Variants in SCFD2 observed in about 807,000 individuals in gnomAD.
SCFD2 encodes sec1 family domain-containing protein 2.
A neutral mutation model predicts 58.9 loss-of-function variants in SCFD2; 54 were observed. The observed-to-expected ratio is 0.92, with a 90% CI of 0.74 to 1.15. The LOEUF (loss-of-function observed/expected upper bound fraction) is 1.15, where lower values mean the gene tolerates loss of function less well. SCFD2 is among the 50% of genes most tolerant of loss of function. SCFD2 has a pLI of 0.00. For synonymous variants in SCFD2, 321 were observed against 335.9 expected (o/e 0.96, Z 0.49); for missense variants, 805 against 836.6 (o/e 0.96, Z 0.47).
chr4:53,004,959 C>A (rs1360795590), intron 5 of SCFD2, among the ~76,000 whole-genome samples: 1 of 152,170 alleles, frequency 6.6e-6, no homozygotes, highest in Middle Eastern at 3.2e-3. Context: ...ACACCAGTGG[C>A]GTGATCTTGG....
At chr4:53,030,656 A>C (rs1468870145) in intron 5 of SCFD2, among the ~76,000 whole-genome samples, 4 of 152,130 alleles carry the variant, frequency 2.6e-5, no homozygotes, top group African/African-American at 9.7e-5. Context: ...TCCTGACCTC[A>C]GGTGATCTCC....
At chr4:53,044,906 A>ACCCCCC (rs1553872108) in intron 5 of SCFD2, among the ~76,000 whole-genome samples, 8 of 18,052 alleles carry the variant, frequency 4.4e-4, no homozygotes, top group African/African-American at 9.7e-4. Flanking sequence ...TCCACCCCCA[A>ACCCCCC]CCCCCCCCCC....
At chr4:52,894,067 T>C (rs1297492442) in intron 7 of SCFD2, among the ~76,000 whole-genome samples, 7 of 152,240 alleles carry the variant, frequency 4.6e-5, no homozygotes, top group Admixed American at 2.0e-4. Context: ...TACCTTGCTC[T>C]AGTTCTCTTT....
intron 4 of SCFD2, among the ~76,000 whole-genome samples, chr4:53,180,454 G>A (rs562034993): frequency 1.1e-4 from 17 of 152,138 alleles, no homozygotes; most frequent in East Asian, 7.7e-4. Flanking sequence ...TGAAACCAAC[G>A]AGAACAAAGA....
intron 3 of SCFD2, among the ~76,000 whole-genome samples, chr4:53,304,613 T>C (rs1194378083): frequency 6.6e-6 from 1 of 151,866 alleles, no homozygotes; most frequent in Non-Finnish European, 1.5e-5. Context: ...GCTTGATCGA[T>C]TCAGCTATTG....
intron 5 of SCFD2, among the ~76,000 whole-genome samples, chr4:52,943,400 G>T (rs1720342526): frequency 6.6e-6 from 1 of 152,122 alleles, no homozygotes; most frequent in South Asian, 2.1e-4. Context: ...GTAAATTTAT[G>T]GATGTTGGAA....
intron 4 of SCFD2, among the ~76,000 whole-genome samples, chr4:53,188,121 A>G (rs1443310180): frequency 6.6e-6 from 1 of 152,116 alleles, no homozygotes; most frequent in Non-Finnish European, 1.5e-5. Context: ...ATGGCAATAG[A>G]AAAAAAGACA....
intron 4 of SCFD2, among the ~76,000 whole-genome samples, chr4:53,217,510 T>C (rs995702184): frequency 6.6e-5 from 10 of 152,330 alleles, no homozygotes; most frequent in African/African-American, 2.2e-4. Flanking sequence ...TCTTCCTCCA[T>C]CCCTTTATTT....
At chr4:53,093,844 T>A (rs1292619525) in intron 5 of SCFD2, among the ~76,000 whole-genome samples, 1 of 151,972 alleles carries the variant, frequency 6.6e-6, no homozygotes, top group Non-Finnish European at 1.5e-5. Flanking sequence ...CCAGGAAGAA[T>A]AGCAGGGTGA....
At position 52,920,825 on chromosome 4, in the gene SCFD2, G is replaced by A; in HGVS notation, c.1607C>T (p.Ala536Val). 6.2e-7 allele frequency: 1 copy of A among 1,610,780 alleles called. No individual in the cohort carries two copies. Among genetic ancestry groups the A allele is most frequent in the Non-Finnish European group, 8.5e-7 (1 of 1,177,760 alleles). The change falls in exon 6 of 9, where the codon GCC becomes GTC. Residue 536 changes from alanine (A) to valine (V), a missense_variant. Physicochemically the swap from Ala to Val is moderately conservative, Grantham distance 64 (BLOSUM62 0). Around this residue, in one of 3 missense-constraint regions of SCFD2, gnomAD observed 633 missense variants for 646.8 expected, o/e 0.98. Coordinates refer to ENST00000401642, the MANE Select transcript of SCFD2 (RefSeq NM_152540.4). ...INLTFHKSKI[A>V]VDELFTSLRD... ...AAGTGAAGTAAAGAGTTCATCCACG[G>A]CAATTTTGGATTTGTGAAATGTCAG... is the stretch of plus-strand genomic sequence containing the variant.
Position 53,274,836 on chromosome 4 carries a change from G to T in SCFD2, c.1136-835C>A, listed in dbSNP as rs17082560. Among the ~76,000 whole-genome samples the T allele has an allele frequency of 2.0e-3, 307 of 152,216 alleles. 1 individual carries two copies. The highest frequency in any genetic ancestry group is 7.1e-3 in the African/African-American group (296 of 41,508). The stretch of plus-strand genomic sequence containing the variant: ...GCTATGCGCAAAGCTCTTGGACATC[G>T]GATTCTCCCCACCAGGCAAAAAGGC... On this transcript the variant is annotated intron_variant, in intron 3 of 8. Transcript: ENST00000401642.
At chr4:53,245,174 G>A (rs1383998743) in intron 4 of SCFD2, among the ~76,000 whole-genome samples, 2 of 151,850 alleles carry the variant, frequency 1.3e-5, no homozygotes, top group Non-Finnish European at 2.9e-5. Flanking sequence ...AATTATACTA[G>A]ATGTACAAGA....
chr4:52,874,091 A>G (rs1466851157), intron 8 of SCFD2, 30 bp from the exon 9 acceptor site: 1 of 1,426,270 alleles, frequency 7.0e-7, no homozygotes, highest in East Asian at 2.3e-5. Context: ...AACACACCGC[A>G]GGGAATTAGG....
At chr4:53,048,001 C>T (rs568354279) in intron 5 of SCFD2, among the ~76,000 whole-genome samples, 1 of 152,268 alleles carries the variant, frequency 6.6e-6, no homozygotes, top group South Asian at 2.1e-4. Flanking sequence ...CATTCACTTA[C>T]CCAGTGCACA....
At chr4:53,234,475 G>C (rs774923773) in intron 4 of SCFD2, among the ~76,000 whole-genome samples, 10 of 152,190 alleles carry the variant, frequency 6.6e-5, no homozygotes, top group Non-Finnish European at 1.3e-4. Context: ...ATGGGGACTG[G>C]AGGACAGAGG....
chr4:53,098,499 G>A (rs1724730721), intron 5 of SCFD2, among the ~76,000 whole-genome samples: 1 of 152,144 alleles, frequency 6.6e-6, no homozygotes, highest in Admixed American at 6.5e-5. Context: ...TAGTTTATTT[G>A]CGCAGAGGTG....
At chr4:53,121,457 G>C (rs1427569121) in intron 5 of SCFD2, among the ~76,000 whole-genome samples, 1 of 152,182 alleles carries the variant, frequency 6.6e-6, no homozygotes, top group Non-Finnish European at 1.5e-5. Flanking sequence ...CACAAACACT[G>C]AGTAGGCCAA....
At chr4:53,161,024 C>T (rs921219287) in intron 4 of SCFD2, among the ~76,000 whole-genome samples, 2 of 152,008 alleles carry the variant, frequency 1.3e-5, no homozygotes, top group African/African-American at 4.8e-5. Context: ...AATGATAATA[C>T]AGATGAAACT....
At chr4:53,147,015 A>C (rs1400963220) in intron 4 of SCFD2, among the ~76,000 whole-genome samples, 2 of 152,328 alleles carry the variant, frequency 1.3e-5, no homozygotes, top group Non-Finnish European at 1.5e-5. Context: ...TGCTATAAAC[A>C]AAAATAAAGC....
Sources: gnomAD v4.1 joint callset for allele counts (sites outside exome capture counted in the v4.1 genomes callset) on GRCh38, gnomAD v4.1.1 for gene constraint, gnomAD v4.1.1 regional missense constraint, MANE v1.5 for transcripts, NCBI Gene and HGNC (gene_info 2026-07-23, HGNC 2026-07-21) for gene names.